The following UBAP2L variants were observed in gnomAD, a reference collection of about 807,000 sequenced individuals.
UBAP2L encodes the protein ubiquitin associated protein 2 like, also known as ubiquitin-associated protein 2-like.
In UBAP2L, 12 loss-of-function variants were observed where a neutral mutation model predicts 130.6. The observed-to-expected ratio is 0.09, with a 90% CI of 0.06 to 0.15. The LOEUF is 0.15. Ranked by LOEUF, UBAP2L falls within the 10% of genes least tolerant of loss-of-function variation. UBAP2L has a pLI of 1.00. For synonymous variants in UBAP2L, 503 were observed against 524.7 expected, an observed-to-expected ratio of 0.96 and a Z score of 0.57; for missense variants, 965 against 1,332.5, an observed-to-expected ratio of 0.72 and a Z score of 4.29.
At chr1:154,252,622 C>T (rs181873629) in intron 14 of UBAP2L, among the ~76,000 whole-genome samples, 256 of 150,088 alleles carry the variant, frequency 1.7e-3, no homozygotes, top group Non-Finnish European at 2.9e-3. Flanking sequence ...TGCAATGGTG[C>T]AATCTCCGCT....
At chr1:154,233,514 G>A (rs1164225735) in intron 4 of UBAP2L, among the ~76,000 whole-genome samples, 1 of 145,570 alleles carries the variant, frequency 6.9e-6, no homozygotes, top group South Asian at 2.1e-4. Context: ...TAGTAGAGAC[G>A]GGGTTTCACC....
At chr1:154,262,221 A>G (rs1681792666) in intron 24 of UBAP2L, among the ~76,000 whole-genome samples, 1 of 152,184 alleles carries the variant, frequency 6.6e-6, no homozygotes, top group Non-Finnish European at 1.5e-5. Flanking sequence ...GACCATACTT[A>G]ATAGAGTGGG....
chr1:154,249,165 GGATAAGT>G, intron 11 of UBAP2L, 67 bp from the exon 12 acceptor site: 1 of 1,462,956 alleles, frequency 6.8e-7, no homozygotes, highest in Non-Finnish European at 9.6e-7. Context: ...CTCTCGGTCT[GGATAAGT>G]GTCTTTATGA....
At position 154,255,560 on chromosome 1, in the gene UBAP2L, T is replaced by TA; in HGVS notation, c.2085-122dup. On this transcript the variant is annotated intron_variant, in intron 17 of 26. Transcript: ENST00000428931. ...CCCTGGCTGGCCATTGTGCTTAACA[T>TA]ATGATCTCAGACCTCCTTGGTGTCC... is the stretch of plus-strand genomic sequence containing the variant. 4 of 1,259,210 alleles carry TA rather than the reference T, an allele frequency of 3.2e-6. No individual in the cohort carries two copies. In the Admixed American group the frequency reaches 7.2e-5, roughly 23 times the overall value. 78.0% of individuals were successfully genotyped at this position (1,259,210 alleles called of 1,614,324 possible).
chr1:154,243,823 T>G (rs1390832020), intron 10 of UBAP2L, among the ~76,000 whole-genome samples: 1 of 152,214 alleles, frequency 6.6e-6, no homozygotes, highest in Non-Finnish European at 1.5e-5. Context: ...TATGTTACAA[T>G]TTTAAAGTTG....
At chr1:154,254,966 C>A in intron 16 of UBAP2L, 76 bp downstream of exon 16, 1 of 1,524,420 alleles carries the variant, frequency 6.6e-7, no homozygotes, top group Non-Finnish European at 8.9e-7. Flanking sequence ...CATTAGTTCC[C>A]TTCACTGGAC....
intron 17 of UBAP2L, 35 bp downstream of exon 17, chr1:154,255,361 G>C: frequency 6.2e-7 from 1 of 1,608,182 alleles, no homozygotes; most frequent in Non-Finnish European, 8.5e-7. Context: ...TGGGGTTGGT[G>C]AATAGCAATA....
intron 22 of UBAP2L, 106 bp from the exon 23 acceptor site, chr1:154,260,786 A>G (rs1311531983): frequency 8.2e-6 from 9 of 1,090,960 alleles, no homozygotes; most frequent in Middle Eastern, 4.9e-4. Flanking sequence ...TTGAACTTTA[A>G]TAGTCTTTGA....
intron 6 of UBAP2L, among the ~76,000 whole-genome samples, chr1:154,236,035 G>C (rs955031171): frequency 9.2e-5 from 14 of 152,180 alleles, no homozygotes; most frequent in African/African-American, 3.4e-4. Flanking sequence ...AGTCTTTATT[G>C]CTAGTATTGT....
chr1:154,228,481 C>A, intron 3 of UBAP2L, 134 bp from the exon 4 acceptor site: 1 of 627,034 alleles, frequency 1.6e-6, no homozygotes, highest in Non-Finnish European at 2.8e-6. Context: ...GCCACTGTGC[C>A]CAGCCCTCAT....
chr1:154,237,577 T>C (rs1672093152), intron 8 of UBAP2L, among the ~76,000 whole-genome samples: 1 of 152,218 alleles, frequency 6.6e-6, no homozygotes, highest in African/African-American at 2.4e-5. Flanking sequence ...CCACTGCTTG[T>C]AAAGATGAAC....
chr1:154,222,152 T>C (rs1558102648), intron 1 of UBAP2L, among the ~76,000 whole-genome samples: 1 of 151,252 alleles, frequency 6.6e-6, no homozygotes, highest in South Asian at 2.1e-4. Flanking sequence ...GGAGAAATCC[T>C]TTTTTTTTGT....
At chr1:154,257,532 T>G (rs1343187833) in intron 20 of UBAP2L, 98 bp downstream of exon 20, 3 of 1,292,942 alleles carry the variant, frequency 2.3e-6, no homozygotes. Context: ...ATACCAAAAC[T>G]TGCACATACT....
intron 18 of UBAP2L, among the ~76,000 whole-genome samples, chr1:154,256,423 G>A (rs1316874430): frequency 6.6e-6 from 1 of 152,144 alleles, no homozygotes; most frequent in African/African-American, 2.4e-5. Context: ...GATTGCTTGA[G>A]CCCAGGAGTT....
At chr1:154,247,243 G>A (rs562760590) in intron 11 of UBAP2L, among the ~76,000 whole-genome samples, 4 of 152,070 alleles carry the variant, frequency 2.6e-5, no homozygotes, top group East Asian at 1.9e-4. Flanking sequence ...TTCAGAACTC[G>A]GTCAGTTTTT....
chr1:154,255,437 G>A (rs1259351074), intron 17 of UBAP2L, 111 bp downstream of exon 17: 45 of 1,391,144 alleles, frequency 3.2e-5, no homozygotes, highest in Middle Eastern at 2.1e-4. Context: ...TGCTTTTGTC[G>A]TAAGTGGGTG....
At chr1:154,263,910 A>G (rs1682417776) in intron 24 of UBAP2L, among the ~76,000 whole-genome samples, 1 of 152,182 alleles carries the variant, frequency 6.6e-6, no homozygotes, top group Non-Finnish European at 1.5e-5. Context: ...TGGTTCCTAA[A>G]GGCCAAGTGG....
At chr1:154,252,815 T>A (rs1399792461) in intron 14 of UBAP2L, among the ~76,000 whole-genome samples, 1 of 152,202 alleles carries the variant, frequency 6.6e-6, no homozygotes. Flanking sequence ...CACCTTGGCC[T>A]CCAAAAGTGC....
chr1:154,270,782 T>TG lies in UBAP2L; in HGVS notation c.*487_*488insG. The stretch of plus-strand genomic sequence containing the variant: ...TGGTTTTTTTTTTGTTTTTTTTTTT[T>TG]TTTTGTACTGTGTCCTCAAATTTAA... On this transcript the variant is annotated 3_prime_UTR_variant, in exon 27 of 27. Coordinates refer to ENST00000428931, the MANE Select transcript of UBAP2L (RefSeq NM_014847.4). 1 of 1,327,656 alleles carries TG rather than the reference T, an allele frequency of 7.5e-7. No individual in the cohort carries two copies. The highest frequency in any genetic ancestry group is 9.7e-7 in the Non-Finnish European group (1 of 1,035,292). The allele number at this position is 1,327,656 out of a possible 1,614,324, so 82.2% of individuals were successfully genotyped here.
Sources: allele counts gnomAD v4.1 joint callset (sites outside exome capture counted in the v4.1 genomes callset), GRCh38; gene constraint gnomAD v4.1.1; transcripts MANE v1.5; gene names NCBI Gene and HGNC (gene_info 2026-07-23, HGNC 2026-07-21).